Variants in ADAMTSL1 observed in about 807,000 individuals in gnomAD.
ADAMTSL1 encodes ADAMTS like 1.
Under a neutral mutation model 201.8 loss-of-function variants are expected in ADAMTSL1, and 126 were observed. That is an observed-to-expected ratio of 0.62 (90% CI 0.54 to 0.72). The LOEUF (loss-of-function observed/expected upper bound fraction) is 0.72, where lower values mean the gene tolerates loss of function less well. Among genes scored for constraint, ADAMTSL1 ranks in the 30% least tolerant of loss-of-function variants. The pLI, the probability that ADAMTSL1 is intolerant of heterozygous loss-of-function variation, is 0.00. For missense variants in ADAMTSL1, 2,679 were observed against 2,277.8 expected (o/e 1.18, Z -3.59); for synonymous variants, 1,121 against 903.4 (o/e 1.24, Z -4.32).
chr9:18,464,606 T>C (rs1028966514), intron 2 of ADAMTSL1, among the ~76,000 whole-genome samples: 1 of 152,162 alleles, frequency 6.6e-6, no homozygotes, highest in South Asian at 2.1e-4. Flanking sequence ...TCAACAAAAA[T>C]TAATCACAAT....
At chr9:18,094,706 G>A (rs1178076630) in intron 1 of ADAMTSL1, among the ~76,000 whole-genome samples, 1 of 151,786 alleles carries the variant, frequency 6.6e-6, no homozygotes, top group Non-Finnish European at 1.5e-5. Context: ...GACTACAGGT[G>A]CACGCCACCA....
chr9:18,616,945 A>T (rs2132641852), intron 4 of ADAMTSL1, among the ~76,000 whole-genome samples: 1 of 152,344 alleles, frequency 6.6e-6, no homozygotes, highest in African/African-American at 2.4e-5. Context: ...AATAAAGGAT[A>T]ATCCATGTAA....
chr9:18,188,389 C>G (rs1195967445), intron 2 of ADAMTSL1, among the ~76,000 whole-genome samples: 1 of 152,120 alleles, frequency 6.6e-6, no homozygotes, highest in African/African-American at 2.4e-5. Context: ...TCTGGCTTAT[C>G]CCTTGTGCTT....
chr9:17,995,355 C>T (rs1819327021), intron 1 of ADAMTSL1, among the ~76,000 whole-genome samples: 1 of 152,006 alleles, frequency 6.6e-6, no homozygotes, highest in South Asian at 2.1e-4. Flanking sequence ...CTGCTTTTAC[C>T]AGATAGATGC....
chr9:18,272,300 C>T (rs1015128873), intron 2 of ADAMTSL1, among the ~76,000 whole-genome samples: 1 of 152,138 alleles, frequency 6.6e-6, no homozygotes, highest in Non-Finnish European at 1.5e-5. Flanking sequence ...AGAAATAATA[C>T]TACACATCTA....
At chr9:18,235,241 T>C (rs1023144732) in intron 2 of ADAMTSL1, among the ~76,000 whole-genome samples, 2 of 152,198 alleles carry the variant, frequency 1.3e-5, no homozygotes, top group Non-Finnish European at 2.9e-5. Context: ...AGTCAGGTAT[T>C]TTCTCGAATG....
rs1398609780 is a variant in ADAMTSL1, at chr9:18,099,353, ATATTTT to A, written c.88-64507_88-64502del. ...TATATATATATATATATATATATAT[ATATTTT>A]TTTTTTTTTTTTTAACATCCATTAA... On this transcript the variant is annotated intron_variant, in intron 1 of 29. Transcript: ENST00000680146. Among the ~76,000 whole-genome samples the A allele has an allele frequency of 2.7e-3, 124 of 45,844 alleles. 1 individual carries two copies. In the South Asian group the frequency reaches 0.061, roughly 22 times the overall value. 30.1% of individuals were successfully genotyped at this position (45,844 alleles called of 152,430 possible).
At chr9:18,889,441 T>C in intron 24 of ADAMTSL1, 127 bp from the exon 25 acceptor site, 1 of 1,028,340 alleles carries the variant, frequency 9.7e-7, no homozygotes, top group East Asian at 2.8e-5. Context: ...GCCTCATTTA[T>C]AATAGCTCCT....
intron 4 of ADAMTSL1, among the ~76,000 whole-genome samples, chr9:18,586,211 T>C (rs1454247661): frequency 6.6e-6 from 1 of 152,088 alleles, no homozygotes; most frequent in African/African-American, 2.4e-5. Flanking sequence ...ACCCAAAAGC[T>C]CCTTAAACCA....
intron 23 of ADAMTSL1, among the ~76,000 whole-genome samples, chr9:18,841,559 G>C (rs1382606640): frequency 3.3e-5 from 5 of 152,218 alleles, no homozygotes; most frequent in Non-Finnish European, 2.9e-5. Context: ...CATAAAATGA[G>C]TTAGGGAGGA....
At chr9:18,315,083 T>C (rs976582168) in intron 2 of ADAMTSL1, among the ~76,000 whole-genome samples, 4 of 152,090 alleles carry the variant, frequency 2.6e-5, no homozygotes, top group African/African-American at 4.8e-5. Flanking sequence ...TTCCCTTATC[T>C]GACCCTACCC....
chr9:18,769,599 T>C (rs891260193), intron 16 of ADAMTSL1, among the ~76,000 whole-genome samples: 3 of 152,208 alleles, frequency 2.0e-5, no homozygotes, highest in African/African-American at 4.8e-5. Context: ...AACTTTTTGT[T>C]TGTGACAGCC....
At chr9:18,277,057 G>T (rs757721600) in intron 2 of ADAMTSL1, among the ~76,000 whole-genome samples, 1 of 152,170 alleles carries the variant, frequency 6.6e-6, no homozygotes, top group Non-Finnish European at 1.5e-5. Flanking sequence ...AATTTTCCAA[G>T]ATTTCTCTTG....
intron 3 of ADAMTSL1, among the ~76,000 whole-genome samples, chr9:18,563,673 G>C (rs1310239416): frequency 6.6e-6 from 1 of 152,216 alleles, no homozygotes; most frequent in Admixed American, 6.5e-5. Flanking sequence ...GTAAGCCCCT[G>C]ACTGGGGCTG....
At chr9:17,977,384 G>C (rs572996348) in intron 1 of ADAMTSL1, among the ~76,000 whole-genome samples, 1 of 152,158 alleles carries the variant, frequency 6.6e-6, no homozygotes, top group Non-Finnish European at 1.5e-5. Context: ...TTTTGAGAAG[G>C]ATTGCTATTA....
chr9:18,100,820 A>C (rs1440218486), intron 1 of ADAMTSL1, among the ~76,000 whole-genome samples: 2 of 152,290 alleles, frequency 1.3e-5, no homozygotes, highest in East Asian at 3.9e-4. Context: ...TTTCAGTATC[A>C]GCTTCTGTTC....
intron 28 of ADAMTSL1, 120 bp downstream of exon 28, chr9:18,907,032 G>C: frequency 1.7e-6 from 2 of 1,159,630 alleles, no homozygotes; most frequent in Non-Finnish European, 2.4e-6. Context: ...GGGATTGTGA[G>C]CTGGTGGTGG....
At chr9:18,105,564 A>G (rs1258027854) in intron 1 of ADAMTSL1, among the ~76,000 whole-genome samples, 3 of 152,228 alleles carry the variant, frequency 2.0e-5, no homozygotes, top group African/African-American at 7.2e-5. Flanking sequence ...AAAATAGGGT[A>G]CTTGAAAGAA....
At chr9:18,317,498 G>C (rs966937850) in intron 2 of ADAMTSL1, among the ~76,000 whole-genome samples, 2 of 152,040 alleles carry the variant, frequency 1.3e-5, no homozygotes, top group Non-Finnish European at 1.5e-5. Context: ...ATTTCACAAT[G>C]TATACATTTA....
Sources: allele counts gnomAD v4.1 joint callset (sites outside exome capture counted in the v4.1 genomes callset), GRCh38; gene constraint gnomAD v4.1.1; transcripts MANE v1.5; gene names NCBI Gene and HGNC (gene_info 2026-07-23, HGNC 2026-07-21).